Variants in ANXA10 observed in about 807,000 individuals in gnomAD.
The protein encoded by ANXA10 is annexin A10.
In ANXA10, 49 loss-of-function variants were observed where a neutral mutation model predicts 53.5. That is an observed-to-expected ratio of 0.92 (90% CI 0.73 to 1.16). The LOEUF (loss-of-function observed/expected upper bound fraction) is 1.16. Ranked by LOEUF, ANXA10 falls within the 50% of genes most tolerant of loss-of-function variation. ANXA10 has a pLI of 0.00. For synonymous variants in ANXA10, 131 were observed against 128.9 expected, an observed-to-expected ratio of 1.02 and a Z score of -0.11; for missense variants, 393 against 394.4, an observed-to-expected ratio of 1.00 and a Z score of 0.03.
In ANXA10 at chr4:168,154,040, C is replaced by A. The variant is rs532865585; in HGVS notation, c.196-8488C>A. Among the ~76,000 whole-genome samples the A allele has an allele frequency of 9.2e-4, 139 of 151,332 alleles. 1 individual carries two copies. The highest frequency in any genetic ancestry group is 3.3e-3 in the African/African-American group (136 of 41,210). On this transcript the variant is annotated intron_variant, in intron 3 of 11. Transcript: ENST00000359299. The stretch of plus-strand genomic sequence containing the variant: ...CGCGCGCGTGCCTCTGAGTTGAAAA[C>A]AAAGATACAAGCGCCATCTACTGGC...
intron 1 of ANXA10, among the ~76,000 whole-genome samples, chr4:168,113,848 T>A (rs1730848661): frequency 6.6e-6 from 1 of 152,246 alleles, no homozygotes; most frequent in Non-Finnish European, 1.5e-5. Flanking sequence ...TTTGCTTTTT[T>A]ACATTTATTC....
chr4:168,154,482 G>C (rs57023606), intron 3 of ANXA10, among the ~76,000 whole-genome samples: 3,051 of 152,188 alleles, frequency 0.02, 82 homozygotes, highest in African/African-American at 0.069. Flanking sequence ...TAAACGCAAA[G>C]ATAAAGCAGT....
At chr4:168,108,212 C>A (rs1730748794) in intron 1 of ANXA10, among the ~76,000 whole-genome samples, 1 of 152,086 alleles carries the variant, frequency 6.6e-6, no homozygotes, top group African/African-American at 2.4e-5. Flanking sequence ...TAGCCGGCTT[C>A]TTTACTGCAA....
intron 2 of ANXA10, among the ~76,000 whole-genome samples, chr4:168,134,571 A>G (rs1467146703): frequency 1.3e-5 from 2 of 152,188 alleles, no homozygotes; most frequent in African/African-American, 4.8e-5. Context: ...ATTATCAAAT[A>G]TATGTTCACT....
chr4:168,129,432 A>T (rs151193204), intron 2 of ANXA10, among the ~76,000 whole-genome samples: 2 of 152,138 alleles, frequency 1.3e-5, no homozygotes, highest in African/African-American at 4.8e-5. Context: ...TCTTTGCTCC[A>T]GTTTCAATGT....
intron 1 of ANXA10, among the ~76,000 whole-genome samples, chr4:168,106,181 A>G (rs1329650252): frequency 6.6e-6 from 1 of 152,114 alleles, no homozygotes; most frequent in Non-Finnish European, 1.5e-5. Context: ...TATCTTTGTC[A>G]TGAAATCTTT....
intron 1 of ANXA10, among the ~76,000 whole-genome samples, chr4:168,117,943 C>A (rs72691166): frequency 0.5 from 72,835 of 145,646 alleles, 18,784 homozygotes; most frequent in Non-Finnish European, 0.58. Flanking sequence ...TCACTCCCTC[C>A]CTCCCTCACA....
intron 6 of ANXA10, among the ~76,000 whole-genome samples, chr4:168,174,645 GA>G (rs1266503242): frequency 3.3e-5 from 5 of 151,982 alleles, no homozygotes; most frequent in Non-Finnish European, 2.9e-5. Context: ...AAAACGCACA[GA>G]AAAAAAATCC....
intron 2 of ANXA10, among the ~76,000 whole-genome samples, chr4:168,134,817 T>A (rs1361829401): frequency 6.6e-6 from 1 of 152,192 alleles, no homozygotes; most frequent in Non-Finnish European, 1.5e-5. Flanking sequence ...GTGCATAAAA[T>A]ACCCTGATGC....
At chr4:168,106,850 T>C (rs947524365) in intron 1 of ANXA10, among the ~76,000 whole-genome samples, 2 of 152,184 alleles carry the variant, frequency 1.3e-5, no homozygotes, top group Non-Finnish European at 2.9e-5. Context: ...ACTTACTTGA[T>C]AGATGTATGC....
At position 168,127,915 on chromosome 4, in the gene ANXA10, G is replaced by T. The variant is rs1341930118; in HGVS notation, c.19-169G>T. Among the ~76,000 whole-genome samples, 8 of 146,274 alleles carry T rather than the reference G, an allele frequency of 5.5e-5. No homozygotes were observed. In the South Asian group the frequency reaches 6.5e-4, roughly 12 times the overall value. ...TTTTTTGTATTTTTTGTAGAGAGGG[G>T]GTTTCATCATGTTGGCCAGGTTGGT... On this transcript the variant is annotated intron_variant, in intron 1 of 11. Transcript: ENST00000359299.
At chr4:168,167,812 T>A (rs1479428274) in intron 6 of ANXA10, among the ~76,000 whole-genome samples, 1 of 152,160 alleles carries the variant, frequency 6.6e-6, no homozygotes, top group Non-Finnish European at 1.5e-5. Flanking sequence ...TTTTCACGAC[T>A]CAAAAACATT....
intron 4 of ANXA10, among the ~76,000 whole-genome samples, chr4:168,163,052 T>A (rs145711785): frequency 6.6e-6 from 1 of 152,224 alleles, no homozygotes; most frequent in Admixed American, 6.5e-5. Context: ...AAGAAGATAT[T>A]GAATCAGGGA....
In ANXA10 at chr4:168,128,244, A is replaced by C. The variant is rs187458578; in HGVS notation, c.100+79A>C. The C allele has an allele frequency of 1.8e-4, 187 of 1,038,832 alleles. 1 individual carries two copies. The African/African-American group carries it at 2.4e-3, about 14-fold the overall frequency. 64.4% of individuals were successfully genotyped at this position (1,038,832 alleles called of 1,614,324 possible). ...TGTTTTAAGACTATACTGTGGGTAT[A>C]AAATAGTTGATGTCTTACAAAACAC... On this transcript the variant is annotated intron_variant, in intron 2 of 11. Coordinates refer to ENST00000359299, the MANE Select transcript of ANXA10 (RefSeq NM_007193.5).
intron 1 of ANXA10, among the ~76,000 whole-genome samples, chr4:168,125,509 T>G (rs1731053060): frequency 6.6e-6 from 1 of 152,110 alleles, no homozygotes; most frequent in Non-Finnish European, 1.5e-5. Flanking sequence ...GAAAAAGTAC[T>G]CAAATGTGGG....
intron 4 of ANXA10, 106 bp from the exon 5 acceptor site, chr4:168,164,092 C>T: frequency 1.2e-6 from 1 of 810,082 alleles, no homozygotes; most frequent in South Asian, 1.9e-5. Context: ...CTTTCCCTGC[C>T]ACCTCTCAAA....
intron 3 of ANXA10, among the ~76,000 whole-genome samples, chr4:168,154,239 T>C (rs1243680356): frequency 1.3e-5 from 2 of 152,306 alleles, no homozygotes; most frequent in East Asian, 3.9e-4. Context: ...CATTGCCTTT[T>C]TTATCCTTTA....
At chr4:168,127,771 C>G in intron 1 of ANXA10, 1 of 515,856 alleles carries the variant, frequency 1.9e-6, no homozygotes, top group African/African-American at 2.4e-5. Context: ...TTTAAACACA[C>G]AGAATATACT....
At chr4:168,142,304 C>T (rs186301638) in intron 3 of ANXA10, among the ~76,000 whole-genome samples, 5 of 152,234 alleles carry the variant, frequency 3.3e-5, no homozygotes, top group Non-Finnish European at 7.4e-5. Flanking sequence ...TCCTGCTCTC[C>T]GTCTTCATCC....
Sources: allele counts gnomAD v4.1 joint callset (sites outside exome capture counted in the v4.1 genomes callset), GRCh38; gene constraint gnomAD v4.1.1; transcripts MANE v1.5; gene names NCBI Gene and HGNC (gene_info 2026-07-23, HGNC 2026-07-21).